Variants in HDAC4 observed in about 807,000 individuals in gnomAD.
HDAC4 encodes the protein histone deacetylase A.
Under a neutral mutation model 135.1 loss-of-function variants are expected in HDAC4, and 16 were observed. The ratio of observed to expected loss-of-function variants is 0.12; its 90% CI spans 0.08 to 0.18. The LOEUF (loss-of-function observed/expected upper bound fraction) is 0.18, where lower values mean the gene tolerates loss of function less well. Ranked by LOEUF, HDAC4 falls within the 10% of genes least tolerant of loss-of-function variation. HDAC4 has a pLI of 1.00. For missense variants in HDAC4, 1,143 were observed against 1,511.8 expected (o/e 0.76, Z 4.05); for synonymous variants, 685 against 653.4 (o/e 1.05, Z -0.74).
chr2:239,085,097 G>A (rs1375574943), intron 19 of HDAC4, among the ~76,000 whole-genome samples: 1 of 149,844 alleles, frequency 6.7e-6, no homozygotes, highest in African/African-American at 2.5e-5. Flanking sequence ...GGTCCCCCAC[G>A]CTCCTCTGGT....
chr2:239,237,870 C>T (rs13382249), intron 2 of HDAC4, among the ~76,000 whole-genome samples: 21,542 of 152,212 alleles, frequency 0.14, 2,144 homozygotes, highest in East Asian at 0.37. Context: ...AACCAACCAG[C>T]AGCTCCTCCC....
At chr2:239,198,944 C>T (rs979391446) in intron 3 of HDAC4, among the ~76,000 whole-genome samples, 16 of 152,196 alleles carry the variant, frequency 1.1e-4, no homozygotes, top group African/African-American at 3.9e-4. Flanking sequence ...ATGCCATCAA[C>T]ACACGCAAAT....
At chr2:239,174,504 G>T (rs1292342161) in intron 5 of HDAC4, among the ~76,000 whole-genome samples, 1 of 152,256 alleles carries the variant, frequency 6.6e-6, no homozygotes, top group Non-Finnish European at 1.5e-5. Flanking sequence ...AGCAGCAAGT[G>T]TTGACAAGGA....
intron 1 of HDAC4, among the ~76,000 whole-genome samples, chr2:239,377,425 G>A (rs1425756215): frequency 6.6e-6 from 1 of 152,196 alleles, no homozygotes; most frequent in African/African-American, 2.4e-5. Context: ...CACCTGTCAC[G>A]AGGGCTGCCC....
intron 1 of HDAC4, among the ~76,000 whole-genome samples, chr2:239,399,592 C>G (rs1696802798): frequency 1.3e-5 from 2 of 152,146 alleles, no homozygotes; most frequent in Admixed American, 1.3e-4. Context: ...TGCCAGTATC[C>G]CCCCAGTCCT....
At chr2:239,055,054 T>C (rs2031593326) in intron 24 of HDAC4, 1 of 472,934 alleles carries the variant, frequency 2.1e-6, no homozygotes, top group South Asian at 2.1e-5. Context: ...AAGATATTTG[T>C]GGGTTCCTAC....
intron 3 of HDAC4, among the ~76,000 whole-genome samples, chr2:239,234,627 C>A (rs1695636946): frequency 6.6e-6 from 1 of 152,168 alleles, no homozygotes; most frequent in Non-Finnish European, 1.5e-5. Flanking sequence ...ATTATCATCC[C>A]CGGCTAAGAA....
chr2:239,152,324 A>G (rs926163223), intron 7 of HDAC4, among the ~76,000 whole-genome samples: 1 of 152,258 alleles, frequency 6.6e-6, no homozygotes, highest in Non-Finnish European at 1.5e-5. Flanking sequence ...TCTTCTGACT[A>G]TATTTAAAAA....
intron 2 of HDAC4, among the ~76,000 whole-genome samples, chr2:239,345,490 G>C (rs897950682): frequency 1.3e-5 from 2 of 151,918 alleles, no homozygotes; most frequent in Non-Finnish European, 2.9e-5. Flanking sequence ...TGAAGCCCAG[G>C]AAGCTGAGGC....
At chr2:239,084,968 C>T (rs990749953) in intron 19 of HDAC4, among the ~76,000 whole-genome samples, 2 of 146,010 alleles carry the variant, frequency 1.4e-5, no homozygotes, top group African/African-American at 5.1e-5. Flanking sequence ...CAGACACATA[C>T]AAGCACACAC....
At chr2:239,184,585 G>A (rs1438292282) in intron 4 of HDAC4, among the ~76,000 whole-genome samples, 2 of 117,368 alleles carry the variant, frequency 1.7e-5, no homozygotes, top group South Asian at 2.9e-4. Context: ...GTGCCCTATC[G>A]GGGGGGGTCC....
intron 19 of HDAC4, chr2:239,085,906 C>G (rs2035894153): frequency 6.6e-6 from 1 of 151,344 alleles, no homozygotes; most frequent in African/African-American, 2.4e-5. Context: ...AGTCTCCTCC[C>G]TGTACACGAA....
chr2:239,207,506 A>C (rs1430772529), intron 3 of HDAC4, among the ~76,000 whole-genome samples: 1 of 152,224 alleles, frequency 6.6e-6, no homozygotes, highest in Non-Finnish European at 1.5e-5. Flanking sequence ...GAAAATAAAA[A>C]GAATAGGCAC....
intron 3 of HDAC4, among the ~76,000 whole-genome samples, chr2:239,228,090 A>T (rs372403069): frequency 4.6e-5 from 7 of 152,196 alleles, no homozygotes; most frequent in South Asian, 2.1e-4. Flanking sequence ...CAGAGCCACG[A>T]ACCTGGGGCC....
chr2:239,369,227 C>T (rs538642219), intron 1 of HDAC4, among the ~76,000 whole-genome samples: 76 of 152,296 alleles, frequency 5.0e-4, no homozygotes, highest in Admixed American at 2.0e-3. Flanking sequence ...CCCGACGGTC[C>T]CCTTTCATCT....
chr2:239,328,009 C>T (rs921211793), intron 2 of HDAC4, among the ~76,000 whole-genome samples: 4 of 152,248 alleles, frequency 2.6e-5, no homozygotes, highest in Non-Finnish European at 4.4e-5. Context: ...AGGCCCCTCA[C>T]TGCACATCCC....
chr2:239,371,107 T>C (rs62182155), intron 1 of HDAC4, among the ~76,000 whole-genome samples: 35,066 of 152,058 alleles, frequency 0.23, 4,942 homozygotes, highest in Non-Finnish European at 0.33. Flanking sequence ...CAGGACAGAG[T>C]CCACCTTTGT....
chr2:239,337,255 A>G (rs981110460), intron 2 of HDAC4, among the ~76,000 whole-genome samples: 1 of 152,206 alleles, frequency 6.6e-6, no homozygotes, highest in Non-Finnish European at 1.5e-5. Context: ...CACTGCTGTC[A>G]GATGCACGTG....
At chr2:239,133,600 G>T (rs945389601) in intron 11 of HDAC4, among the ~76,000 whole-genome samples, 3 of 152,154 alleles carry the variant, frequency 2.0e-5, no homozygotes, top group Non-Finnish European at 2.9e-5. Context: ...CCAAGTAGCT[G>T]GGATTACAGG....
Sources: gnomAD v4.1 joint callset for allele counts (sites outside exome capture counted in the v4.1 genomes callset) on GRCh38, gnomAD v4.1.1 for gene constraint, MANE v1.5 for transcripts, NCBI Gene and HGNC (gene_info 2026-07-23, HGNC 2026-07-21) for gene names.